DCLK1: variants seen among roughly 807,000 people sequenced by gnomAD.
DCLK1 encodes the protein doublecortin like kinase 1.
Under a neutral mutation model 86.2 loss-of-function variants are expected in DCLK1, and 16 were observed. The ratio of observed to expected loss-of-function variants is 0.19; its 90% confidence interval spans 0.13 to 0.28. The LOEUF is 0.28. Among genes scored for constraint, DCLK1 ranks in the 10% least tolerant of loss-of-function variants. The pLI is 1.00. For missense variants in DCLK1, 590 were observed against 940.2 expected (o/e 0.63, Z 4.87); for synonymous variants, 369 against 370.5 (o/e 1.00, Z 0.05).
intron 4 of DCLK1, among the ~76,000 whole-genome samples, chr13:35,940,836 A>G (rs979107031): frequency 6.6e-6 from 1 of 152,224 alleles, no homozygotes. Context: ...CACCAAAAGC[A>G]GATCTTGATG....
intron 3 of DCLK1, among the ~76,000 whole-genome samples, chr13:35,973,146 G>T (rs954552315): frequency 6.6e-6 from 1 of 152,104 alleles, no homozygotes; most frequent in African/African-American, 2.4e-5. Flanking sequence ...GAGGGGAGGT[G>T]GTCCATTAGA....
intron 3 of DCLK1, among the ~76,000 whole-genome samples, chr13:36,080,673 A>G (rs1186680507): frequency 3.3e-5 from 5 of 152,290 alleles, no homozygotes; most frequent in Middle Eastern, 3.4e-3. Flanking sequence ...TTTGAGTTTT[A>G]CTTAACCTAG....
intron 4 of DCLK1, among the ~76,000 whole-genome samples, chr13:35,903,670 C>T (rs187130659): frequency 2.0e-5 from 3 of 151,806 alleles, no homozygotes; most frequent in Non-Finnish European, 2.9e-5. Flanking sequence ...CACACACACA[C>T]GAATGTTCTA....
chr13:36,074,220 C>T (rs921377573), intron 3 of DCLK1, among the ~76,000 whole-genome samples: 3 of 151,974 alleles, frequency 2.0e-5, no homozygotes, highest in Non-Finnish European at 2.9e-5. Context: ...ACAGAGAAGA[C>T]GGCCGGGCGT....
At chr13:35,998,811 A>G (rs1880586813) in intron 3 of DCLK1, among the ~76,000 whole-genome samples, 1 of 152,232 alleles carries the variant, frequency 6.6e-6, no homozygotes, top group Non-Finnish European at 1.5e-5. Flanking sequence ...AGTTTCAGTT[A>G]AAGCTGCAAT....
At chr13:36,045,346 A>ATC (rs1566658685) in intron 3 of DCLK1, among the ~76,000 whole-genome samples, 29 of 104,620 alleles carry the variant, frequency 2.8e-4, no homozygotes, top group East Asian at 1.4e-3. Context: ...ATATATATAT[A>ATC]TATATATATA....
intron 3 of DCLK1, among the ~76,000 whole-genome samples, chr13:36,014,887 C>T (rs17053335): frequency 0.033 from 5,065 of 152,084 alleles, 276 homozygotes; most frequent in African/African-American, 0.12. Context: ...AAGAATGTTC[C>T]GTGCATAATT....
intron 1 of DCLK1, among the ~76,000 whole-genome samples, chr13:36,129,702 G>C (rs563540136): frequency 6.6e-6 from 1 of 152,202 alleles, no homozygotes; most frequent in African/African-American, 2.4e-5. Context: ...GAGACCATAG[G>C]TGGCCAAGGG....
At chr13:36,109,594 T>A (rs1397762526) in intron 3 of DCLK1, among the ~76,000 whole-genome samples, 1 of 152,218 alleles carries the variant, frequency 6.6e-6, no homozygotes, top group East Asian at 1.9e-4. Context: ...AAAGCTATCA[T>A]CATTATAGTT....
chr13:36,006,575 G>T (rs1001878052), intron 3 of DCLK1, among the ~76,000 whole-genome samples: 1 of 152,252 alleles, frequency 6.6e-6, no homozygotes, highest in African/African-American at 2.4e-5. Flanking sequence ...AGACACCAGA[G>T]GCCAGTGCTT....
At chr13:36,100,461 C>T (rs1885178074) in intron 3 of DCLK1, among the ~76,000 whole-genome samples, 1 of 152,110 alleles carries the variant, frequency 6.6e-6, no homozygotes, top group Admixed American at 6.6e-5. Context: ...AGACCAATTC[C>T]AGAAATGGCC....
At position 35,769,482 on chromosome 13, in the gene DCLK1, G is replaced by A. The variant is rs1023790965; in HGVS notation, c.*5053C>T. The A allele has an allele frequency of 2.0e-5, 3 of 151,960 alleles. No homozygotes were observed. The highest frequency in any genetic ancestry group is 2.9e-5 in the Non-Finnish European group (2 of 67,994). The allele number at this position is 151,960 out of a possible 1,614,324, so 9.4% of individuals were successfully genotyped here. Reference sequence around the variant, plus strand: ...ATAAAATTTTTTTTCAAAAGTTATCGAGGATATGACTATAACCTTGGACCA... The same window carrying A: ...ATAAAATTTTTTTTCAAAAGTTATCAAGGATATGACTATAACCTTGGACCA... On this transcript the variant is annotated 3_prime_UTR_variant, in exon 17 of 17. Coordinates refer to ENST00000360631, the MANE Select transcript of DCLK1 (RefSeq NM_001330071.2).
At chr13:36,094,627 G>A (rs1485562211) in intron 3 of DCLK1, among the ~76,000 whole-genome samples, 1 of 152,114 alleles carries the variant, frequency 6.6e-6, no homozygotes, top group Non-Finnish European at 1.5e-5. Context: ...GTTTTTAAAG[G>A]GTATTAAGAC....
chr13:35,937,918 T>G (rs1876853201), intron 4 of DCLK1, among the ~76,000 whole-genome samples: 2 of 151,996 alleles, frequency 1.3e-5, no homozygotes, highest in South Asian at 4.2e-4. Context: ...TGGAGGCTCT[T>G]TTAGGATAGG....
chr13:35,938,512 C>T (rs1035765826), intron 4 of DCLK1, among the ~76,000 whole-genome samples: 8 of 151,934 alleles, frequency 5.3e-5, no homozygotes, highest in Non-Finnish European at 1.0e-4. Context: ...GCCTGTAGTC[C>T]CAGCTACTCG....
chr13:35,907,453 GT>G (rs140119452), intron 4 of DCLK1, among the ~76,000 whole-genome samples: 10,770 of 152,186 alleles, frequency 0.071, 454 homozygotes, highest in South Asian at 0.14. Flanking sequence ...CTAAGCCACT[GT>G]CCCTGGCCCA....
At chr13:35,866,261 G>A (rs1039085803) in intron 5 of DCLK1, among the ~76,000 whole-genome samples, 1 of 152,118 alleles carries the variant, frequency 6.6e-6, no homozygotes, top group African/African-American at 2.4e-5. Flanking sequence ...AAACTATAAT[G>A]TTTCAGGTAA....
intron 11 of DCLK1, among the ~76,000 whole-genome samples, chr13:35,814,745 G>C (rs2087231099): frequency 6.6e-6 from 1 of 152,214 alleles, no homozygotes. Flanking sequence ...ACAGGGATTA[G>C]TGCAAATTAC....
intron 3 of DCLK1, among the ~76,000 whole-genome samples, chr13:35,986,891 C>T (rs1405507080): frequency 6.6e-6 from 1 of 151,936 alleles, no homozygotes; most frequent in Non-Finnish European, 1.5e-5. Flanking sequence ...GGAGATCAGC[C>T]CTAAAGAGAA....
Sources: allele counts gnomAD v4.1 joint callset (sites outside exome capture counted in the v4.1 genomes callset), GRCh38; gene constraint gnomAD v4.1.1; transcripts MANE v1.5; gene names NCBI Gene and HGNC (gene_info 2026-07-23, HGNC 2026-07-21).